CCDC25: variants seen among roughly 807,000 people sequenced by gnomAD.
CCDC25 encodes the protein coiled-coil domain containing 25.
CCDC25 carries 16 observed loss-of-function variants against 35.3 expected under a neutral mutation model. That is an observed-to-expected ratio of 0.45 (90% CI 0.31 to 0.69). CCDC25 has a LOEUF of 0.69. CCDC25 is among the 30% of genes least tolerant of loss of function. CCDC25 has a pLI of 0.06. For missense variants in CCDC25, 179 were observed against 250.7 expected (o/e 0.71, Z 1.93); for synonymous variants, 79 against 80.3 (o/e 0.98, Z 0.09).
At chr8:27,758,205 A>G (rs930461892) in intron 3 of CCDC25, among the ~76,000 whole-genome samples, 1 of 152,242 alleles carries the variant, frequency 6.6e-6, no homozygotes. Flanking sequence ...CTAAAGAGGC[A>G]TCATTACATC....
intron 4 of CCDC25, chr8:27,754,614 A>T (rs549056437): frequency 9.2e-5 from 14 of 152,420 alleles, no homozygotes; most frequent in African/African-American, 3.4e-4. Flanking sequence ...CTCCTACCTC[A>T]GCCTCCCGAG....
At chr8:27,762,350 T>G (rs895503095) in intron 3 of CCDC25, 69 bp downstream of exon 3, 2 of 1,385,784 alleles carry the variant, frequency 1.4e-6, no homozygotes, top group African/African-American at 2.8e-5. Flanking sequence ...GATTCTAGTT[T>G]GAATGCTTGG....
intron 1 of CCDC25, among the ~76,000 whole-genome samples, chr8:27,771,071 G>A (rs1196084045): frequency 6.6e-6 from 1 of 152,144 alleles, no homozygotes; most frequent in East Asian, 1.9e-4. Context: ...TTATAACGAA[G>A]CTGAAAAATT....
chr8:27,744,572 T>C (rs1048570863), intron 7 of CCDC25, among the ~76,000 whole-genome samples: 1 of 152,246 alleles, frequency 6.6e-6, no homozygotes, highest in Non-Finnish European at 1.5e-5. Flanking sequence ...GTTACTTCAT[T>C]CATCCTGTAA....
chr8:27,748,100 C>T lies in CCDC25; in HGVS notation c.528G>A (p.Lys176=). 5 of 1,612,064 alleles carry T rather than the reference C, an allele frequency of 3.1e-6. No individual in the cohort carries two copies. Among genetic ancestry groups the T allele is most frequent in the Non-Finnish European group, 3.4e-6 (4 of 1,179,754 alleles). Residue 176 remains lysine (K), a synonymous_variant, in exon 7 of 9, where the codon AAG becomes AAA. Transcript: ENST00000356537. ...ACCTAAGTTCATCCATTTCCCTCTTCTTCTTCATTTCTTCTTTTTCTCTCT... is the reference window on the plus strand; with the variant it reads ...ACCTAAGTTCATCCATTTCCCTCTTTTTCTTCATTTCTTCTTTTTCTCTCT... The part of the protein sequence containing the change: ...MKKREKEEMK[K]KREMDELRSY...
At chr8:27,764,363 G>A in intron 2 of CCDC25, 3 of 272,046 alleles carry the variant, frequency 1.1e-5, no homozygotes, top group South Asian at 8.8e-5. Context: ...CTACCTCCCA[G>A]GCTCAAGCGA....
At chr8:27,762,552 C>T (rs886855196) in intron 2 of CCDC25, 94 bp from the exon 3 acceptor site, 3 of 1,072,958 alleles carry the variant, frequency 2.8e-6, no homozygotes, top group Non-Finnish European at 4.2e-6. Context: ...GCTCCTCCCA[C>T]AAATTTCTCT....
chr8:27,760,195 A>C (rs1379946391), intron 3 of CCDC25, among the ~76,000 whole-genome samples: 1 of 152,162 alleles, frequency 6.6e-6, no homozygotes, highest in Non-Finnish European at 1.5e-5. Flanking sequence ...GAAATGAAAA[A>C]CTGAGGTCAT....
intron 2 of CCDC25, among the ~76,000 whole-genome samples, chr8:27,763,981 CT>C (rs1804314896): frequency 6.6e-6 from 1 of 152,168 alleles, no homozygotes; most frequent in Admixed American, 6.5e-5. Context: ...TAAAAAATCT[CT>C]TTCCCTCAGT....
chr8:27,766,285 A>G (rs1307981014), intron 1 of CCDC25, among the ~76,000 whole-genome samples: 2 of 152,214 alleles, frequency 1.3e-5, no homozygotes, highest in African/African-American at 4.8e-5. Flanking sequence ...CAGAACACAC[A>G]CATGTACCTG....
intron 1 of CCDC25, among the ~76,000 whole-genome samples, chr8:27,770,527 C>T (rs978014535): frequency 6.6e-6 from 1 of 152,068 alleles, no homozygotes; most frequent in Non-Finnish European, 1.5e-5. Flanking sequence ...CACCTGAGGT[C>T]GGGAGTTCAA....
intron 5 of CCDC25, among the ~76,000 whole-genome samples, chr8:27,750,860 T>C (rs746072477): frequency 1.3e-5 from 2 of 152,182 alleles, no homozygotes; most frequent in Non-Finnish European, 2.9e-5. Flanking sequence ...CCCAAAGCCC[T>C]TGGTTCTGAG....
At chr8:27,760,395 A>G (rs1804183822) in intron 3 of CCDC25, among the ~76,000 whole-genome samples, 1 of 152,224 alleles carries the variant, frequency 6.6e-6, no homozygotes, top group African/African-American at 2.4e-5. Context: ...TAACAGGTGC[A>G]GCCATTCTTA....
chr8:27,739,405 AG>A (rs1803361555), intron 8 of CCDC25, among the ~76,000 whole-genome samples: 1 of 152,330 alleles, frequency 6.6e-6, no homozygotes, highest in South Asian at 2.1e-4. Context: ...AGGTTTGACT[AG>A]ATGACTTGTA....
chr8:27,733,658 G>T lies in CCDC25; in HGVS notation c.*2558C>A, dbSNP rs1803111686. 1 of 152,066 alleles carries T rather than the reference G, an allele frequency of 6.6e-6. No individual in the cohort carries two copies. The highest frequency in any genetic ancestry group is 2.4e-5 in the African/African-American group (1 of 41,370). 9.4% of individuals were successfully genotyped at this position (152,066 alleles called of 1,614,324 possible). On this transcript the variant is annotated 3_prime_UTR_variant, in exon 9 of 9. Coordinates refer to ENST00000356537, the MANE Select transcript of CCDC25 (RefSeq NM_018246.3). ...ATTTTAGTCTGCTTCAAAATCAAAA[G>T]GTCACTCAGTCACTCTAATATGATC...
intron 8 of CCDC25, among the ~76,000 whole-genome samples, chr8:27,738,051 G>A (rs920143182): frequency 6.6e-6 from 1 of 152,140 alleles, no homozygotes; most frequent in Non-Finnish European, 1.5e-5. Flanking sequence ...CTGATATGTG[G>A]GAGCTAAGCT....
chr8:27,747,791 C>G (rs1394005246), intron 7 of CCDC25: 2 of 367,612 alleles, frequency 5.4e-6, no homozygotes, highest in Non-Finnish European at 9.8e-6. Flanking sequence ...AAGAACTTTA[C>G]AAACCAAACC....
intron 3 of CCDC25, among the ~76,000 whole-genome samples, chr8:27,760,125 A>G (rs1327333862): frequency 6.6e-6 from 1 of 152,186 alleles, no homozygotes; most frequent in East Asian, 1.9e-4. Context: ...AGACTACTAA[A>G]GGGGGTCGAA....
rs909101186 is a variant in CCDC25 at position 27,772,605 on chromosome 8, T to C, written c.-65A>G. On this transcript the variant is annotated 5_prime_UTR_variant, in exon 1 of 9. Coordinates refer to ENST00000356537, the MANE Select transcript of CCDC25 (RefSeq NM_018246.3). ...AGCGCTCAACTCACGAAGCTCAGGA[T>C]ACCAGACTCGCGGCGGCCGCCTGGC... 2.3e-5 allele frequency: 34 copies of C among 1,503,636 alleles called. No individual in the cohort carries two copies. The highest frequency in any genetic ancestry group is 2.9e-5 in the Non-Finnish European group (32 of 1,108,894). 93.1% of individuals were successfully genotyped at this position (1,503,636 alleles called of 1,614,324 possible).
Sources: gnomAD v4.1 joint callset for allele counts (sites outside exome capture counted in the v4.1 genomes callset) on GRCh38, gnomAD v4.1.1 for gene constraint, MANE v1.5 for transcripts, NCBI Gene and HGNC (gene_info 2026-07-23, HGNC 2026-07-21) for gene names.